Variants in SPOCK1 observed in about 807,000 individuals in gnomAD.
SPOCK1 encodes the protein testican-1.
SPOCK1 carries 23 observed loss-of-function variants against 55.3 expected under a neutral mutation model. The ratio of observed to expected loss-of-function variants is 0.42; its 90% CI spans 0.30 to 0.59. The LOEUF (loss-of-function observed/expected upper bound fraction) is 0.59, where lower values mean the gene tolerates loss of function less well. Ranked by LOEUF, SPOCK1 falls within the 20% of genes least tolerant of loss-of-function variation. The pLI, the probability that SPOCK1 is intolerant of heterozygous loss-of-function variation, is 0.22. For synonymous variants in SPOCK1, 226 were observed against 221.0 expected (o/e 1.02, Z -0.20); for missense variants, 499 against 552.5 (o/e 0.90, Z 0.97).
intron 2 of SPOCK1, among the ~76,000 whole-genome samples, chr5:137,463,616 G>C (rs1355767492): frequency 6.6e-6 from 1 of 152,038 alleles, no homozygotes; most frequent in Admixed American, 6.6e-5. Context: ...AGTATAGCAG[G>C]GGGACTATAG....
intron 6 of SPOCK1, among the ~76,000 whole-genome samples, chr5:137,064,033 C>T (rs1387162927): frequency 6.6e-6 from 1 of 152,066 alleles, no homozygotes; most frequent in African/African-American, 2.4e-5. Flanking sequence ...CCAGAGAAAT[C>T]TAACAGAGAA....
At chr5:137,245,665 T>G (rs1756379329) in intron 3 of SPOCK1, among the ~76,000 whole-genome samples, 1 of 151,396 alleles carries the variant, frequency 6.6e-6, no homozygotes, top group South Asian at 2.1e-4. Flanking sequence ...CACAGAGACA[T>G]CCACAACCTC....
intron 4 of SPOCK1, among the ~76,000 whole-genome samples, chr5:137,118,206 T>C (rs1272760466): frequency 2.0e-5 from 3 of 152,196 alleles, no homozygotes; most frequent in Non-Finnish European, 4.4e-5. Flanking sequence ...ACTCAGAGGA[T>C]TTTTATAAAA....
chr5:137,187,632 C>T (rs1755100995), intron 3 of SPOCK1, among the ~76,000 whole-genome samples: 1 of 152,152 alleles, frequency 6.6e-6, no homozygotes, highest in Non-Finnish European at 1.5e-5. Flanking sequence ...CCAGCGTGTA[C>T]CAGGCACTGT....
intron 3 of SPOCK1, among the ~76,000 whole-genome samples, chr5:137,225,987 G>C (rs1010848659): frequency 3.3e-5 from 5 of 152,184 alleles, no homozygotes; most frequent in Non-Finnish European, 5.9e-5. Context: ...GCCTCACCAG[G>C]CTCCTGGATC....
chr5:137,179,626 A>G (rs914970883), intron 3 of SPOCK1, among the ~76,000 whole-genome samples: 3 of 152,086 alleles, frequency 2.0e-5, no homozygotes, highest in African/African-American at 4.8e-5. Context: ...TAGCATGACA[A>G]CAGATTGTTT....
intron 2 of SPOCK1, among the ~76,000 whole-genome samples, chr5:137,429,818 C>T (rs1752706228): frequency 6.6e-6 from 1 of 152,202 alleles, no homozygotes; most frequent in Admixed American, 6.5e-5. Flanking sequence ...ACTGTGGAGA[C>T]CAGAGATCTC....
intron 6 of SPOCK1, among the ~76,000 whole-genome samples, chr5:137,026,746 T>G (rs779488440): frequency 5.3e-5 from 8 of 152,210 alleles, no homozygotes; most frequent in Admixed American, 1.3e-4. Context: ...AATCCAAAGC[T>G]GCCTCCCAGG....
intron 2 of SPOCK1, among the ~76,000 whole-genome samples, chr5:137,485,687 T>A (rs1047309099): frequency 6.6e-6 from 1 of 152,010 alleles, no homozygotes; most frequent in African/African-American, 2.4e-5. Flanking sequence ...GTAAATAAAT[T>A]GTGGAATATT....
intron 6 of SPOCK1, among the ~76,000 whole-genome samples, chr5:137,013,055 G>A (rs1229751335): frequency 6.6e-6 from 1 of 152,182 alleles, no homozygotes; most frequent in Non-Finnish European, 1.5e-5. Flanking sequence ...GAGTTGGAGG[G>A]AGAAAGAGAG....
chr5:137,222,289 G>A (rs978032560), intron 3 of SPOCK1, among the ~76,000 whole-genome samples: 1 of 152,098 alleles, frequency 6.6e-6, no homozygotes, highest in South Asian at 2.1e-4. Flanking sequence ...CTCTCTTTGG[G>A]TAAGGCCAAG....
At chr5:137,060,381 A>G in intron 6 of SPOCK1, among the ~76,000 whole-genome samples, 1 of 152,170 alleles carries the variant, frequency 6.6e-6, no homozygotes, top group African/African-American at 2.4e-5. Context: ...TCCTACTTAT[A>G]AATGGGAGCT....
At chr5:137,175,844 A>G (rs1445905811) in intron 3 of SPOCK1, among the ~76,000 whole-genome samples, 1 of 152,140 alleles carries the variant, frequency 6.6e-6, no homozygotes, top group African/African-American at 2.4e-5. Context: ...GCATGTGGGT[A>G]CACCTCAGCA....
At chr5:137,392,197 C>T (rs1342335504) in intron 2 of SPOCK1, among the ~76,000 whole-genome samples, 1 of 152,126 alleles carries the variant, frequency 6.6e-6, no homozygotes, top group Non-Finnish European at 1.5e-5. Context: ...CCTCAAAGCT[C>T]CATTACCAGC....
chr5:137,431,226 A>T (rs528074405), intron 2 of SPOCK1, among the ~76,000 whole-genome samples: 10 of 152,334 alleles, frequency 6.6e-5, no homozygotes, highest in African/African-American at 2.4e-4. Flanking sequence ...AAATCAGTGT[A>T]GGAGAGGTTT....
intron 3 of SPOCK1, among the ~76,000 whole-genome samples, chr5:137,196,410 T>C (rs910455111): frequency 2.0e-5 from 3 of 152,248 alleles, no homozygotes; most frequent in Non-Finnish European, 2.9e-5. Flanking sequence ...ACAAGGTGCA[T>C]GGCCCTGGGC....
chr5:137,043,305 T>C (rs1449649728), intron 6 of SPOCK1, among the ~76,000 whole-genome samples: 1 of 152,216 alleles, frequency 6.6e-6, no homozygotes, highest in Non-Finnish European at 1.5e-5. Context: ...TATTAATACA[T>C]GCTTTAAGAA....
intron 6 of SPOCK1, among the ~76,000 whole-genome samples, chr5:137,014,042 G>A (rs986708030): frequency 1.3e-5 from 2 of 152,138 alleles, no homozygotes; most frequent in Middle Eastern, 6.3e-3. Context: ...TGACAATGGG[G>A]TCTGCTGGGA....
chr5:137,012,387 G>C (rs1751367813), intron 6 of SPOCK1, among the ~76,000 whole-genome samples: 1 of 152,058 alleles, frequency 6.6e-6, no homozygotes, highest in African/African-American at 2.4e-5. Flanking sequence ...GGTTATGTTG[G>C]TCTCTGGTAC....
Sources: gnomAD v4.1 joint callset for allele counts (sites outside exome capture counted in the v4.1 genomes callset) on GRCh38, gnomAD v4.1.1 for gene constraint, MANE v1.5 for transcripts, NCBI Gene and HGNC (gene_info 2026-07-23, HGNC 2026-07-21) for gene names.